PTPN1: variants seen among roughly 807,000 people sequenced by gnomAD.
PTPN1 encodes protein tyrosine phosphatase non-receptor type 1.
PTPN1 carries 12 observed loss-of-function variants against 59.9 expected under a neutral mutation model. The ratio of observed to expected loss-of-function variants is 0.20; its 90% CI spans 0.13 to 0.32. PTPN1 has a LOEUF of 0.32. Ranked by LOEUF, PTPN1 falls within the 10% of genes least tolerant of loss-of-function variation. The pLI, the probability that PTPN1 is intolerant of heterozygous loss-of-function variation, is 1.00. For synonymous variants in PTPN1, 178 were observed against 203.6 expected, an observed-to-expected ratio of 0.87 and a Z score of 1.07; for missense variants, 356 against 549.2, an observed-to-expected ratio of 0.65 and a Z score of 3.52.
At chr20:50,539,505 C>A (rs186625307) in intron 1 of PTPN1, among the ~76,000 whole-genome samples, 9 of 152,238 alleles carry the variant, frequency 5.9e-5, no homozygotes, top group Admixed American at 1.3e-4. Context: ...CATTTTCTTT[C>A]TTTAAGGTAA....
chr20:50,581,039 A>G (rs2082865761), intron 8 of PTPN1, among the ~76,000 whole-genome samples: 1 of 152,124 alleles, frequency 6.6e-6, no homozygotes, highest in Non-Finnish European at 1.5e-5. Flanking sequence ...TGTGGGTGCT[A>G]TCTGAAGTAC....
chr20:50,570,333 T>A (rs1194599806), intron 4 of PTPN1, among the ~76,000 whole-genome samples: 1 of 151,776 alleles, frequency 6.6e-6, no homozygotes, highest in East Asian at 1.9e-4. Flanking sequence ...TTTTTGGGGG[T>A]TTTTTACCCT....
chr20:50,519,462 T>C (rs1354244294), intron 1 of PTPN1, among the ~76,000 whole-genome samples: 4 of 152,198 alleles, frequency 2.6e-5, no homozygotes, highest in Non-Finnish European at 5.9e-5. Flanking sequence ...TTGGAAGATG[T>C]TGCTTTTGAA....
chr20:50,538,236 A>AC lies in PTPN1; in HGVS notation c.64-23127_64-23126insC, dbSNP rs199966901. Among the ~76,000 whole-genome samples the AC allele has an allele frequency of 1.2e-4, 18 of 152,036 alleles. No homozygotes were observed. In the East Asian group the frequency reaches 3.1e-3, roughly 26 times the overall value. ...TGTTGTAAAAAGTTAAAAAAAAAAA[A>AC]ACAGAAATGTGAAAAGGAAGTTGTG... On this transcript the variant is annotated intron_variant, in intron 1 of 9. Transcript: ENST00000371621.
chr20:50,571,372 CA>C (rs1284201063), intron 4 of PTPN1: 1 of 152,198 alleles, frequency 6.6e-6, no homozygotes, highest in Non-Finnish European at 1.5e-5. Context: ...GCATGAAAAG[CA>C]ATGTATGGTT....
At chr20:50,564,533 G>T (rs1239077941) in intron 2 of PTPN1, among the ~76,000 whole-genome samples, 1 of 152,140 alleles carries the variant, frequency 6.6e-6, no homozygotes, top group East Asian at 1.9e-4. Context: ...GATGGAGGCT[G>T]CAGTGAGCTG....
chr20:50,560,407 A>C (rs952133394), intron 1 of PTPN1, among the ~76,000 whole-genome samples: 1 of 152,146 alleles, frequency 6.6e-6, no homozygotes, highest in Admixed American at 6.5e-5. Flanking sequence ...CCTGCAGGGA[A>C]TCCCACTCCT....
Position 50,583,362 on chromosome 20 carries a change from G to C in PTPN1, c.*647G>C, listed in dbSNP as rs1400067304. On this transcript the variant is annotated 3_prime_UTR_variant, in exon 10 of 10. Coordinates refer to ENST00000371621, the MANE Select transcript of PTPN1 (RefSeq NM_002827.4). ...ATATTGTGGGTAACGTGAGAAGATA[G>C]AACAATGCTATAATATATAATGAAC... is the stretch of plus-strand genomic sequence containing the variant. 4 of 152,578 alleles carry C rather than the reference G, an allele frequency of 2.6e-5. No individual in the cohort carries two copies. Among genetic ancestry groups the C allele is most frequent in the Admixed American group, 2.6e-4 (4 of 15,336 alleles). 9.5% of individuals were successfully genotyped at this position (152,578 alleles called of 1,614,324 possible).
In PTPN1 at chr20:50,568,478, G is replaced by T. The variant is rs762199981; in HGVS notation, c.354G>T (p.Ser118=). Residue 118 remains serine, a splice_region_variant and synonymous_variant, in exon 4 of 10, where the codon TCG becomes TCT. Coordinates refer to ENST00000371621, the MANE Select transcript of PTPN1 (RefSeq NM_002827.4). The surrounding 1 kb of genome is among the most constrained non-coding windows in gnomAD (Gnocchi z 5.6). ...TCAACAGAGTGATGGAGAAAGGTTC[G>T]GTAAGTCTCGGCTTCATTTGCTGTG... ...VMLNRVMEKG[S]LKCAQYWPQK... 2 of 1,612,066 alleles carry T rather than the reference G, an allele frequency of 1.2e-6. No individual in the cohort carries two copies. Among genetic ancestry groups the T allele is most frequent in the South Asian group, 1.1e-5 (1 of 91,032 alleles).
At chr20:50,515,341 G>A (rs139976217) in intron 1 of PTPN1, among the ~76,000 whole-genome samples, 1 of 152,184 alleles carries the variant, frequency 6.6e-6, no homozygotes, top group African/African-American at 2.4e-5. Flanking sequence ...CTTCCAGCTC[G>A]AATGTGTGCT....
chr20:50,544,426 T>C (rs966206237), intron 1 of PTPN1, among the ~76,000 whole-genome samples: 2 of 152,134 alleles, frequency 1.3e-5, no homozygotes, highest in African/African-American at 4.8e-5. Context: ...AAAGTGCTGG[T>C]ATTACAGGTG....
Position 50,577,988 on chromosome 20 carries a change from G to A in PTPN1, c.493-432G>A, listed in dbSNP as rs575690704. ...ACCTCCAGATCATCTTGAAGCCCCC[G>A]TCTGAAAGTTGCCCAGAGCCAGTGC... On this transcript the variant is annotated intron_variant, in intron 5 of 9. Transcript: ENST00000371621. 116 of 159,130 alleles carry A rather than the reference G, an allele frequency of 7.3e-4. No homozygotes were observed. In the Middle Eastern group the frequency reaches 9.9e-3, roughly 14 times the overall value. 9.9% of individuals were successfully genotyped at this position (159,130 alleles called of 1,614,324 possible).
intron 1 of PTPN1, among the ~76,000 whole-genome samples, chr20:50,538,167 G>A (rs372380353): frequency 3.3e-5 from 5 of 151,866 alleles, no homozygotes; most frequent in African/African-American, 1.2e-4. Flanking sequence ...TGGAAACACA[G>A]TACCTTTATA....
At chr20:50,571,246 C>T (rs955987346) in intron 4 of PTPN1, 18 of 152,352 alleles carry the variant, frequency 1.2e-4, no homozygotes, top group African/African-American at 4.1e-4. Context: ...GTGGTGGCAT[C>T]GAGAACATGG....
intron 5 of PTPN1, among the ~76,000 whole-genome samples, chr20:50,576,565 C>G (rs982474671): frequency 1.3e-5 from 2 of 152,102 alleles, no homozygotes; most frequent in Non-Finnish European, 2.9e-5. Context: ...GCTTCTTATT[C>G]AATTTTAAAA....
At chr20:50,534,876 C>T (rs1165480495) in intron 1 of PTPN1, among the ~76,000 whole-genome samples, 2 of 152,022 alleles carry the variant, frequency 1.3e-5, no homozygotes, top group African/African-American at 4.8e-5. Flanking sequence ...CAGGCTCTTG[C>T]TACCATGCCC....
chr20:50,541,073 C>T (rs963041035), intron 1 of PTPN1, among the ~76,000 whole-genome samples: 11 of 152,126 alleles, frequency 7.2e-5, no homozygotes, highest in Admixed American at 2.0e-4. Flanking sequence ...ACAGTGCGAC[C>T]TGCAGGAGAA....
Position 50,556,383 on chromosome 20 carries a change from C to A in PTPN1, c.64-4980C>A, listed in dbSNP as rs374464992. ...TTTTAAATGTATTGTAGAGACGAGG[C>A]ATCATTTTTTTGCCCAAGGCTGATC... is the stretch of plus-strand genomic sequence containing the variant. On this transcript the variant is annotated intron_variant, in intron 1 of 9. Coordinates refer to ENST00000371621, the MANE Select transcript of PTPN1 (RefSeq NM_002827.4). Among the ~76,000 whole-genome samples the A allele has an allele frequency of 7.2e-5, 11 of 152,000 alleles. No homozygotes were observed. The East Asian group carries it at 1.4e-3, about 19-fold the overall frequency.
chr20:50,562,588 G>T (rs1251211944), intron 2 of PTPN1, among the ~76,000 whole-genome samples: 2 of 152,214 alleles, frequency 1.3e-5, no homozygotes, highest in Admixed American at 1.3e-4. Context: ...AGACATAAGT[G>T]CTCAGTAAAT....
Sources: gnomAD v4.1 joint callset for allele counts (sites outside exome capture counted in the v4.1 genomes callset) on GRCh38, gnomAD v4.1.1 for gene constraint, Gnocchi (gnomAD v3.1) non-coding constraint, MANE v1.5 for transcripts, NCBI Gene and HGNC (gene_info 2026-07-23, HGNC 2026-07-21) for gene names.